NAALADL2: variants seen among roughly 807,000 people sequenced by gnomAD.
The protein encoded by NAALADL2 is N-acetylated alpha-linked acidic dipeptidase like 2, also known as inactive N-acetylated-alpha-linked acidic dipeptidase-like protein 2.
Under a neutral mutation model 87.2 loss-of-function variants are expected in NAALADL2, and 76 were observed. That is an observed-to-expected ratio of 0.87 (90% CI 0.72 to 1.05). The LOEUF (loss-of-function observed/expected upper bound fraction) is 1.05, where lower values mean the gene tolerates loss of function less well. Among genes scored for constraint, NAALADL2 ranks in the 50% least tolerant of loss-of-function variants. The pLI, the probability that NAALADL2 is intolerant of heterozygous loss-of-function variation, is 0.00. For synonymous variants in NAALADL2, 354 were observed against 331.0 expected (o/e 1.07, Z -0.75); for missense variants, 1,089 against 945.8 (o/e 1.15, Z -1.99).
chr3:174,607,690 C>A (rs138348330), intron 2 of NAALADL2, among the ~76,000 whole-genome samples: 1 of 151,682 alleles, frequency 6.6e-6, no homozygotes, highest in Non-Finnish European at 1.5e-5. Flanking sequence ...CCTACAAAGA[C>A]ACTTAGACTC....
intron 11 of NAALADL2, chr3:175,718,777 A>C: frequency 2.4e-6 from 2 of 830,940 alleles, no homozygotes; most frequent in Non-Finnish European, 3.7e-6. Context: ...GTATTTAAAA[A>C]TTAGCCAAGC....
At chr3:175,524,544 C>A (rs1258489640) in intron 9 of NAALADL2, among the ~76,000 whole-genome samples, 1 of 152,108 alleles carries the variant, frequency 6.6e-6, no homozygotes, top group Non-Finnish European at 1.5e-5. Flanking sequence ...TACATGATTT[C>A]TCTTCCTTAT....
chr3:174,696,769 T>C (rs1729059269), intron 2 of NAALADL2, among the ~76,000 whole-genome samples: 1 of 152,058 alleles, frequency 6.6e-6, no homozygotes, highest in Non-Finnish European at 1.5e-5. Context: ...AATATAAATA[T>C]ATCTGAGAAA....
intron 1 of NAALADL2, among the ~76,000 whole-genome samples, chr3:175,061,051 AAAC>A (rs1713370144): frequency 6.6e-6 from 1 of 152,184 alleles, no homozygotes; most frequent in Non-Finnish European, 1.5e-5. Context: ...CGTCTCAAAA[AAAC>A]AAAAAAAATC....
At chr3:174,575,708 G>C (rs1298837337) in intron 2 of NAALADL2, among the ~76,000 whole-genome samples, 1 of 152,104 alleles carries the variant, frequency 6.6e-6, no homozygotes, top group Non-Finnish European at 1.5e-5. Context: ...TCTATAGTAA[G>C]TTTATTTGGA....
At chr3:175,209,883 A>T (rs571128954) in intron 2 of NAALADL2, among the ~76,000 whole-genome samples, 1 of 149,210 alleles carries the variant, frequency 6.7e-6, no homozygotes, top group African/African-American at 2.5e-5. Flanking sequence ...AGCATTTAAA[A>T]AAATTAAAAA....
In NAALADL2 at chr3:174,561,201, C is replaced by CT. The variant is rs200957982; in HGVS notation, c.-115+10582dup. Among the ~76,000 whole-genome samples the CT allele has an allele frequency of 5.7e-3, 745 of 130,714 alleles. 2 individuals carry two copies. The highest frequency in any genetic ancestry group is 0.016 in the Middle Eastern group (4 of 244). The allele number at this position is 130,714 out of a possible 152,430, so 85.8% of individuals were successfully genotyped here. ...CTAGCTAAACTGACTAATAGGATTC[C>CT]TTTTTTTTTTTTTTTTTTGGAAAGA... On this transcript the variant is annotated intron_variant, in intron 2 of 3. Transcript: ENST00000434257.
At chr3:175,708,002 G>T (rs996269735) in intron 11 of NAALADL2, among the ~76,000 whole-genome samples, 1 of 151,696 alleles carries the variant, frequency 6.6e-6, no homozygotes, top group African/African-American at 2.4e-5. Flanking sequence ...GAAGACATGG[G>T]GGAAAAAAAA....
At chr3:174,711,646 TAGGCC>T (rs1405873377) in intron 2 of NAALADL2, among the ~76,000 whole-genome samples, 2 of 152,226 alleles carry the variant, frequency 1.3e-5, no homozygotes, top group African/African-American at 4.8e-5. Flanking sequence ...CCCCAAATTA[TAGGCC>T]ATTTAGTTTA....
intron 2 of NAALADL2, among the ~76,000 whole-genome samples, chr3:174,675,868 T>C (rs1480920255): frequency 1.3e-5 from 2 of 152,128 alleles, no homozygotes; most frequent in African/African-American, 2.4e-5. Context: ...TAAATTCCAA[T>C]GTCCACAGAC....
intron 2 of NAALADL2, among the ~76,000 whole-genome samples, chr3:174,611,346 T>G (rs1460185693): frequency 6.6e-6 from 1 of 152,032 alleles, no homozygotes; most frequent in Non-Finnish European, 1.5e-5. Context: ...TAAAAAAAAG[T>G]AAAACTAATA....
intron 4 of NAALADL2, among the ~76,000 whole-genome samples, chr3:175,258,546 C>T (rs1330070450): frequency 2.0e-5 from 3 of 152,054 alleles, no homozygotes; most frequent in Non-Finnish European, 4.4e-5. Context: ...AGCTACCAAG[C>T]ATCAATATTT....
intron 3 of NAALADL2, among the ~76,000 whole-genome samples, chr3:175,247,569 C>A (rs1377904603): frequency 1.7e-5 from 1 of 60,304 alleles, no homozygotes; most frequent in African/African-American, 5.6e-5. Flanking sequence ...ATATACAACT[C>A]CAGCTAGTCG....
chr3:175,397,004 T>C (rs1442627962), intron 5 of NAALADL2, among the ~76,000 whole-genome samples: 1 of 152,110 alleles, frequency 6.6e-6, no homozygotes, highest in African/African-American at 2.4e-5. Context: ...TACACTTGCT[T>C]ACTGAATTTG....
At chr3:174,700,999 G>C (rs1485778659) in intron 2 of NAALADL2, among the ~76,000 whole-genome samples, 2 of 152,102 alleles carry the variant, frequency 1.3e-5, no homozygotes, top group African/African-American at 4.8e-5. Flanking sequence ...ACTGTTAAGA[G>C]TGTTAAGACA....
At chr3:174,614,283 T>C (rs1453520650) in intron 2 of NAALADL2, among the ~76,000 whole-genome samples, 1 of 152,180 alleles carries the variant, frequency 6.6e-6, no homozygotes, top group African/African-American at 2.4e-5. Context: ...TTTGTATCCT[T>C]GTAGCCTTGA....
intron 5 of NAALADL2, among the ~76,000 whole-genome samples, chr3:175,349,309 G>A (rs1763487989): frequency 6.6e-6 from 1 of 152,044 alleles, no homozygotes; most frequent in Admixed American, 6.6e-5. Context: ...ACAACTATGT[G>A]GATAAGAAAG....
At chr3:175,563,824 G>A (rs1369205002) in intron 9 of NAALADL2, among the ~76,000 whole-genome samples, 1 of 152,166 alleles carries the variant, frequency 6.6e-6, no homozygotes, top group Non-Finnish European at 1.5e-5. Flanking sequence ...TCAAGGATTA[G>A]CATTGGGGTG....
At chr3:175,171,091 T>C (rs1010426677) in intron 2 of NAALADL2, among the ~76,000 whole-genome samples, 3 of 151,972 alleles carry the variant, frequency 2.0e-5, no homozygotes, top group Admixed American at 2.0e-4. Context: ...AAATAGTTGT[T>C]TTATTTCTTA....
Sources: allele counts gnomAD v4.1 joint callset (sites outside exome capture counted in the v4.1 genomes callset), GRCh38; gene constraint gnomAD v4.1.1; transcripts MANE v1.5; gene names NCBI Gene and HGNC (gene_info 2026-07-23, HGNC 2026-07-21).